MARCOL: variants seen among roughly 807,000 people sequenced by gnomAD.
MARCOL encodes the protein MARCO like.
In MARCOL at chr5:148,242,891, G is replaced by C. The variant is rs1424833236; in HGVS notation, c.495G>C (p.Gln165His). 2 of 399,116 alleles carry C rather than the reference G, an allele frequency of 5.0e-6. No individual in the cohort carries two copies. The highest frequency in any genetic ancestry group is 8.8e-6 in the Non-Finnish European group (2 of 226,440). The allele number at this position is 399,116 out of a possible 1,614,324, so 24.7% of individuals were successfully genotyped here. A position where few individuals can be genotyped will look rare whatever the true frequency, so the allele number is the denominator to read the frequency against. The change falls in exon 2 of 2, where the codon CAG becomes CAC. Residue 165 changes from glutamine (Q) to histidine (H), a missense_variant. Coordinates refer to ENST00000638089, the MANE Select transcript of MARCOL (RefSeq NM_001363511.2). Reference protein sequence around the residue: ...QKVMVGSSSQQGKPGSSSQHG... With the variant: ...QKVMVGSSSQHGKPGSSSQHG... The stretch of plus-strand genomic sequence containing the variant: ...TGATGGTGGGGTCATCTAGCCAACA[G>C]GGGAAGCCAGGATCATCTAGCCAAC...
chr5:148,242,392 A>G (rs1755975911), intron 1 of MARCOL, 54 bp from the exon 2 acceptor site: 1 of 396,960 alleles, frequency 2.5e-6, no homozygotes, highest in African/African-American at 2.1e-5. Context: ...ATTTAAAATT[A>G]TTTAATGTAT....
rs533892772 is a variant in MARCOL, at chr5:148,242,918, C to A, written c.522C>A (p.His174Gln). Residue 174 changes from histidine to glutamine, a missense_variant, in exon 2 of 2, where the codon CAC becomes CAA. By Grantham distance (24) the His-to-Gln change is conservative (BLOSUM62 0). Coordinates refer to ENST00000638089, the MANE Select transcript of MARCOL (RefSeq NM_001363511.2). Reference sequence around the variant, plus strand: ...GGAAGCCAGGATCATCTAGCCAACACGGGAATCTAGGGTCATCAACCCAGA... The same window carrying A: ...GGAAGCCAGGATCATCTAGCCAACAAGGGAATCTAGGGTCATCAACCCAGA... Reference protein sequence around the residue: ...QQGKPGSSSQHGNLGSSTQKG... With the variant: ...QQGKPGSSSQQGNLGSSTQKG... The A allele has an allele frequency of 3.8e-5, 15 of 395,454 alleles. No individual in the cohort carries two copies. The highest frequency in any genetic ancestry group is 6.7e-5 in the Non-Finnish European group (15 of 225,180). The allele number at this position is 395,454 out of a possible 1,614,324, so 24.5% of individuals were successfully genotyped here.
chr5:148,242,933 A>C lies in MARCOL; in HGVS notation c.537A>C (p.Ser179=), dbSNP rs1755983972. The part of the protein sequence containing the change: ...GSSSQHGNLG[S]STQKGNLGSS... ...CTAGCCAACACGGGAATCTAGGGTC[A>C]TCAACCCAGAAAGGGAATTTAGGAT... is the stretch of plus-strand genomic sequence containing the variant. The change falls in exon 2 of 2, where the codon TCA becomes TCC. Residue 179 remains serine, a synonymous_variant. Transcript: ENST00000638089. 2.5e-6 allele frequency: 1 copy of C among 398,852 alleles called. No homozygotes were observed. Among genetic ancestry groups the C allele is most frequent in the Admixed American group, 4.4e-5 (1 of 22,656 alleles). The allele number at this position is 398,852 out of a possible 1,614,324, so 24.7% of individuals were successfully genotyped here.
chr5:148,242,700 T>A lies in MARCOL; in HGVS notation c.304T>A (p.Leu102Ile), dbSNP rs1389775638. Residue 102 changes from leucine to isoleucine, a missense_variant, in exon 2 of 2, where the codon TTA (leucine) becomes ATA (isoleucine). By Grantham distance (5) the Leu-to-Ile change is conservative (BLOSUM62 2). Transcript: ENST00000638089. ...RAGVLNQPGI[L>I]KNSGKSNQKG... ...AGGAGTTTTAAACCAGCCTGGGATT[T>A]TAAAGAATTCAGGAAAATCTAACCA... 2.0e-5 allele frequency: 8 copies of A among 398,264 alleles called. No individual in the cohort carries two copies. Among genetic ancestry groups the A allele is most frequent in the Non-Finnish European group, 3.1e-5 (7 of 225,978 alleles). The allele number at this position is 398,264 out of a possible 1,614,324, so 24.7% of individuals were successfully genotyped here.
intron 1 of MARCOL, among the ~76,000 whole-genome samples, chr5:148,240,014 G>A (rs571585654): frequency 1.7e-4 from 26 of 151,876 alleles, no homozygotes; most frequent in African/African-American, 6.3e-4. Flanking sequence ...AAAATAGATG[G>A]TGAAACCACA....
chr5:148,242,247 T>G (rs894449654), intron 1 of MARCOL, among the ~76,000 whole-genome samples, 199 bp from the exon 2 acceptor site: 2 of 152,166 alleles, frequency 1.3e-5, no homozygotes, highest in Middle Eastern at 3.4e-3. Context: ...GAAAACCATG[T>G]AGTACAGTAA....
rs775868024 is a variant in MARCOL at position 148,242,835 on chromosome 5, C to A, written c.439C>A (p.Gln147Lys). 1.3e-5 allele frequency: 5 copies of A among 398,618 alleles called. No individual in the cohort carries two copies. Among genetic ancestry groups the A allele is most frequent in the Admixed American group, 8.8e-5 (2 of 22,682 alleles). The allele number at this position is 398,618 out of a possible 1,614,324, so 24.7% of individuals were successfully genotyped here. A position where few individuals can be genotyped will look rare whatever the true frequency, so the allele number is the denominator to read the frequency against. ...QQGNPGSSDQ[Q>K]EKPGSFSQKV... Reference sequence around the variant, plus strand: ...GGGAAATCCAGGGTCATCTGACCAACAAGAGAAACCAGGGTCATTTAGCCA... The same window carrying A: ...GGGAAATCCAGGGTCATCTGACCAAAAAGAGAAACCAGGGTCATTTAGCCA... The change falls in exon 2 of 2, where the codon CAA (glutamine) becomes AAA (lysine). Residue 147 changes from glutamine to lysine, a missense_variant. Transcript: ENST00000638089.
rs775868024 is a variant in MARCOL, at chr5:148,242,835, C to G, written c.439C>G (p.Gln147Glu). 3 of 398,734 alleles carry G rather than the reference C, an allele frequency of 7.5e-6. No individual in the cohort carries two copies. The highest frequency in any genetic ancestry group is 3.6e-5 in the East Asian group (1 of 28,072). 24.7% of individuals were successfully genotyped at this position (398,734 alleles called of 1,614,324 possible). Residue 147 changes from glutamine (Q) to glutamate (E), a missense_variant, in exon 2 of 2, where the codon CAA becomes GAA. Physicochemically the swap from Gln to Glu is conservative, Grantham distance 29. Transcript: ENST00000638089. The stretch of plus-strand genomic sequence containing the variant: ...GGGAAATCCAGGGTCATCTGACCAA[C>G]AAGAGAAACCAGGGTCATTTAGCCA... ...QQGNPGSSDQ[Q>E]EKPGSFSQKV...
At chr5:148,240,588 G>C (rs1755952880) in intron 1 of MARCOL, among the ~76,000 whole-genome samples, 1 of 151,662 alleles carries the variant, frequency 6.6e-6, no homozygotes, top group Non-Finnish European at 1.5e-5. Context: ...TGCACCTTTA[G>C]GATTTGGCCC....
intron 1 of MARCOL, among the ~76,000 whole-genome samples, chr5:148,238,885 T>C (rs575411076): frequency 2.8e-4 from 43 of 151,812 alleles, no homozygotes; most frequent in African/African-American, 9.9e-4. Flanking sequence ...TACAAGGGAG[T>C]AGGAAAGGCA....
At chr5:148,240,301 A>T (rs1581153255) in intron 1 of MARCOL, among the ~76,000 whole-genome samples, 1 of 152,028 alleles carries the variant, frequency 6.6e-6, no homozygotes, top group Admixed American at 6.6e-5. Context: ...CATTATATTG[A>T]TTGTCCTTGG....
chr5:148,242,540 T>C lies in MARCOL; in HGVS notation c.144T>C (p.His48=), dbSNP rs1044108330. ...TGGAGGAAAAAAATGAAGCTAACCA[T>C]CTAGGAGGACAAAGAGATTCTAATA... ...LILEEKNEAN[H]LGGQRDSNKQ... Residue 48 remains histidine (H), a synonymous_variant, in exon 2 of 2, where the codon CAT becomes CAC. Transcript: ENST00000638089. The C allele has an allele frequency of 2.5e-6, 1 of 398,300 alleles. No individual in the cohort carries two copies. The highest frequency in any genetic ancestry group is 4.4e-6 in the Non-Finnish European group (1 of 225,908). The allele number at this position is 398,300 out of a possible 1,614,324, so 24.7% of individuals were successfully genotyped here. A position where few individuals can be genotyped will look rare whatever the true frequency, so the allele number is the denominator to read the frequency against.
chr5:148,242,719 C>G lies in MARCOL; in HGVS notation c.323C>G (p.Ser108Cys). Reference sequence around the variant, plus strand: ...GGGATTTTAAAGAATTCAGGAAAATCTAACCAAAAAGGGAATCCAGAATCT... The same window carrying G: ...GGGATTTTAAAGAATTCAGGAAAATGTAACCAAAAAGGGAATCCAGAATCT... ...QPGILKNSGK[S>C]NQKGNPESSN... Residue 108 changes from serine (S) to cysteine (C), a missense_variant, in exon 2 of 2, where the codon TCT becomes TGT. Ser to Cys is a moderately radical substitution (Grantham distance 112). Transcript: ENST00000638089. The G allele has an allele frequency of 7.5e-6, 3 of 398,342 alleles. No individual in the cohort carries two copies. The highest frequency in any genetic ancestry group is 3.6e-5 in the East Asian group (1 of 28,058). 24.7% of individuals were successfully genotyped at this position (398,342 alleles called of 1,614,324 possible). A position where few individuals can be genotyped will look rare whatever the true frequency, so the allele number is the denominator to read the frequency against.
rs1331264261 is a variant in MARCOL at position 148,238,755 on chromosome 5, A to T, written c.49+109A>T. 7 of 395,348 alleles carry T rather than the reference A, an allele frequency of 1.8e-5. No individual in the cohort carries two copies. In the Admixed American group the frequency reaches 3.1e-4, roughly 17 times the overall value. 24.5% of individuals were successfully genotyped at this position (395,348 alleles called of 1,614,324 possible). On this transcript the variant is annotated intron_variant, in intron 1 of 1. Transcript: ENST00000638089. ...CAAAAGATTTAAAAATAGGCAATCC[A>T]TCAGACAGAGAAATGGAAGAAGGTA...
chr5:148,239,750 A>G (rs1755943980), intron 1 of MARCOL, among the ~76,000 whole-genome samples: 1 of 151,922 alleles, frequency 6.6e-6, no homozygotes, highest in South Asian at 2.1e-4. Flanking sequence ...AAATTCCTTT[A>G]TAGAACATAT....
In MARCOL at chr5:148,243,064, G is replaced by C. The variant is rs905726917; in HGVS notation, c.668G>C (p.Gly223Ala). Residue 223 changes from glycine to alanine, a missense_variant, in exon 2 of 2, where the codon GGA (glycine) becomes GCA (alanine). Transcript: ENST00000638089. ...PGSSSQQGNL[G>A]TSGQQEKPGS... ...TCATCTAGCCAACAAGGAAATCTAG[G>C]AACTTCTGGCCAACAGGAGAAGCCA... The C allele has an allele frequency of 1.8e-5, 7 of 396,854 alleles. No homozygotes were observed. The highest frequency in any genetic ancestry group is 3.1e-5 in the Non-Finnish European group (7 of 225,048). The allele number at this position is 396,854 out of a possible 1,614,324, so 24.6% of individuals were successfully genotyped here.
At position 148,243,096 on chromosome 5, in the gene MARCOL, T is replaced by G; in HGVS notation, c.700T>G (p.Ser234Ala). ...TSGQQEKPGS[S>A]SQQGKPGLSS... The stretch of plus-strand genomic sequence containing the variant: ...TGGCCAACAGGAGAAGCCAGGATCT[T>G]CTAGCCAACAGGGGAAGCCAGGGTT... The change falls in exon 2 of 2, where the codon TCT (serine) becomes GCT (alanine). Residue 234 changes from serine (S) to alanine (A), a missense_variant. Physicochemically the swap from Ser to Ala is moderately conservative, Grantham distance 99. Transcript: ENST00000638089. 1.0e-5 allele frequency: 4 copies of G among 399,772 alleles called. No homozygotes were observed. Among genetic ancestry groups the G allele is most frequent in the Non-Finnish European group, 1.8e-5 (4 of 226,942 alleles). The allele number at this position is 399,772 out of a possible 1,614,324, so 24.8% of individuals were successfully genotyped here.
Position 148,243,301 on chromosome 5 carries a change from A to T in MARCOL, c.*47A>T. On this transcript the variant is annotated 3_prime_UTR_variant, in exon 2 of 2. Transcript: ENST00000638089. ...ATAGGATCTCCTAGCCAACAGGAGA[A>T]GCCAGAGTCTTCTAGCCAACAAGGG... The T allele has an allele frequency of 2.5e-6, 1 of 398,390 alleles. No individual in the cohort carries two copies. Among genetic ancestry groups the T allele is most frequent in the East Asian group, 3.6e-5 (1 of 28,066 alleles). The allele number at this position is 398,390 out of a possible 1,614,324, so 24.7% of individuals were successfully genotyped here. A position where few individuals can be genotyped will look rare whatever the true frequency, so the allele number is the denominator to read the frequency against.
chr5:148,243,394 C>T lies in MARCOL; in HGVS notation c.*140C>T. On this transcript the variant is annotated 3_prime_UTR_variant, in exon 2 of 2. Coordinates refer to ENST00000638089, the MANE Select transcript of MARCOL (RefSeq NM_001363511.2). ...AGCCAACAAGGGAAGCCAGTGTCAT[C>T]TAGCCAACAAGGGAAGCCAGGGGCA... 2.5e-6 allele frequency: 1 copy of T among 397,550 alleles called. No homozygotes were observed. The highest frequency in any genetic ancestry group is 4.4e-6 in the Non-Finnish European group (1 of 225,860). The allele number at this position is 397,550 out of a possible 1,614,324, so 24.6% of individuals were successfully genotyped here. A position where few individuals can be genotyped will look rare whatever the true frequency, so the allele number is the denominator to read the frequency against.
Sources: gnomAD v4.1 joint callset for allele counts (sites outside exome capture counted in the v4.1 genomes callset) on GRCh38, gnomAD v4.1.1 for gene constraint, MANE v1.5 for transcripts, NCBI Gene and HGNC (gene_info 2026-07-23, HGNC 2026-07-21) for gene names.